Variants in CREBBP observed in about 807,000 individuals in gnomAD.
CREBBP encodes the protein CREB binding lysine acetyltransferase.
CREBBP carries 19 observed loss-of-function variants against 265.0 expected under a neutral mutation model. The ratio of observed to expected loss-of-function variants is 0.07; its 90% CI spans 0.05 to 0.11. The LOEUF is 0.11. Among genes scored for constraint, CREBBP ranks in the 10% least tolerant of loss-of-function variants. The probability of loss-of-function intolerance (pLI) is 1.00; values close to 1 mark genes in which losing one functional copy is unlikely to be tolerated. For missense variants in CREBBP, 2,525 were observed against 3,219.0 expected, an observed-to-expected ratio of 0.78 and a Z score of 5.22; for synonymous variants, 1,457 against 1,223.7, an observed-to-expected ratio of 1.19 and a Z score of -3.98.
intron 2 of CREBBP, chr16:3,840,561 C>A (rs899812801): frequency 1.9e-5 from 3 of 160,632 alleles, no homozygotes; most frequent in South Asian, 1.6e-4. Flanking sequence ...CAACCCTGGT[C>A]CCAGTCTTCA....
intron 1 of CREBBP, among the ~76,000 whole-genome samples, chr16:3,867,585 A>T (rs770080686): frequency 6.6e-6 from 1 of 152,120 alleles, no homozygotes; most frequent in Non-Finnish European, 1.5e-5. Flanking sequence ...ATGCAGCACC[A>T]AAACATTTTA....
At chr16:3,840,807 G>A (rs2054551626) in intron 2 of CREBBP, 1 of 154,752 alleles carries the variant, frequency 6.5e-6, no homozygotes, top group African/African-American at 2.4e-5. Flanking sequence ...TATGCAGAAA[G>A]AAAGGATGGC....
intron 21 of CREBBP, among the ~76,000 whole-genome samples, chr16:3,749,331 C>G (rs1211798312): frequency 6.6e-6 from 1 of 152,172 alleles, no homozygotes; most frequent in Non-Finnish European, 1.5e-5. Flanking sequence ...AAGATTCATG[C>G]TAAATGGCTT....
intron 2 of CREBBP, among the ~76,000 whole-genome samples, chr16:3,842,743 T>A (rs1004206503): frequency 4.6e-5 from 7 of 152,002 alleles, no homozygotes; most frequent in Admixed American, 2.0e-4. Flanking sequence ...GGTGGGCAGA[T>A]CACCTGAGGT....
chr16:3,751,903 C>T (rs1201181375), intron 19 of CREBBP, 97 bp from the exon 20 acceptor site: 7 of 1,155,782 alleles, frequency 6.1e-6, no homozygotes, highest in African/African-American at 1.5e-5. Context: ...CAGAGCACCA[C>T]GACGAAGGGG....
chr16:3,776,644 C>T (rs1273963423), intron 11 of CREBBP, among the ~76,000 whole-genome samples: 1 of 152,142 alleles, frequency 6.6e-6, no homozygotes, highest in Non-Finnish European at 1.5e-5. Context: ...GCACTCCCTC[C>T]CCACATCTAG....
chr16:3,849,451 GT>G lies in CREBBP; in HGVS notation c.798+845del, dbSNP rs528300573. Among the ~76,000 whole-genome samples the G allele has an allele frequency of 2.9e-3, 189 of 64,308 alleles. 5 individuals are homozygous for G. Among genetic ancestry groups the G allele is most frequent in the South Asian group, 5.7e-3 (8 of 1,404 alleles). The allele number at this position is 64,308 out of a possible 152,430, so 42.2% of individuals were successfully genotyped here. ...TGTGTGTGTGTGTGTGTGTGTGTGT[GT>G]GTGTGTGTGTGTGTGTGTGTGTGTG... is the stretch of plus-strand genomic sequence containing the variant. On this transcript the variant is annotated intron_variant, in intron 2 of 30. Coordinates refer to ENST00000262367, the MANE Select transcript of CREBBP (RefSeq NM_004380.3).
At chr16:3,729,956 T>TA in intron 30 of CREBBP, 82 bp from the exon 31 acceptor site, 1 of 1,562,302 alleles carries the variant, frequency 6.4e-7, no homozygotes, top group Middle Eastern at 1.8e-4. Flanking sequence ...CCTCCACCGC[T>TA]AAGTCTGGGT....
intron 1 of CREBBP, among the ~76,000 whole-genome samples, chr16:3,867,117 T>C (rs954792002): frequency 6.6e-6 from 1 of 152,190 alleles, no homozygotes; most frequent in African/African-American, 2.4e-5. Context: ...CAGATATTTC[T>C]ATTTCAACTA....
At chr16:3,804,370 T>G (rs1174502173) in intron 3 of CREBBP, among the ~76,000 whole-genome samples, 3 of 152,158 alleles carry the variant, frequency 2.0e-5, no homozygotes, top group African/African-American at 7.2e-5. Context: ...AAACAAAAAT[T>G]TACACAATTT....
chr16:3,745,721 T>C lies in CREBBP; in HGVS notation c.3837-367A>G, dbSNP rs1236476699. 5 of 369,964 alleles carry C rather than the reference T, an allele frequency of 1.4e-5. No individual in the cohort carries two copies. In the East Asian group the frequency reaches 2.6e-4, roughly 19 times the overall value. 22.9% of individuals were successfully genotyped at this position (369,964 alleles called of 1,614,324 possible). ...AATGCCTTCTCTAGGTGATTTCACA[T>C]GCCAAAACTGACTTAAAAAATAGAG... is the stretch of plus-strand genomic sequence containing the variant. On this transcript the variant is annotated intron_variant, in intron 21 of 30. Coordinates refer to ENST00000262367, the MANE Select transcript of CREBBP (RefSeq NM_004380.3).
chr16:3,803,852 G>A (rs943675204), intron 3 of CREBBP, among the ~76,000 whole-genome samples: 1 of 152,108 alleles, frequency 6.6e-6, no homozygotes, highest in Admixed American at 6.5e-5. Flanking sequence ...AGGCCCAGGT[G>A]GGTGGATCTC....
At chr16:3,800,389 G>T (rs1210849233) in intron 3 of CREBBP, among the ~76,000 whole-genome samples, 1 of 152,130 alleles carries the variant, frequency 6.6e-6, no homozygotes, top group African/African-American at 2.4e-5. Context: ...AAAGTGCTGG[G>T]ATTATAGCTA....
In CREBBP at chr16:3,729,306, A is replaced by G; in HGVS notation, c.5741T>C (p.Val1914Ala). ...GGGGAAGCCAGCTGGTGACATGCTC[A>G]CGGGTGAGGGTTGGGGCTGGGCAGG... is the stretch of plus-strand genomic sequence containing the variant. ...QPPAQPQPSP[V>A]SMSPAGFPSV... is the part of the protein sequence containing the mutation. Residue 1914 changes from valine to alanine, a missense_variant, in exon 31 of 31, where the codon GTG (valine) becomes GCG (alanine). Val to Ala is a moderately conservative substitution (Grantham distance 64). Around this residue, in one of 19 missense-constraint regions of CREBBP, gnomAD observed 275 missense variants for 276.5 expected, o/e 0.99. Transcript: ENST00000262367. 6.5e-7 allele frequency: 1 copy of G among 1,548,834 alleles called. No individual in the cohort carries two copies. The highest frequency in any genetic ancestry group is 1.4e-5 in the African/African-American group (1 of 73,218).
At chr16:3,867,650 G>A (rs1024241197) in intron 1 of CREBBP, among the ~76,000 whole-genome samples, 11 of 151,692 alleles carry the variant, frequency 7.3e-5, no homozygotes, top group Non-Finnish European at 1.3e-4. Flanking sequence ...GAGCATAGTG[G>A]CTCACATCTG....
chr16:3,741,744 A>C (rs2052215212), intron 23 of CREBBP: 2 of 152,062 alleles, frequency 1.3e-5, no homozygotes, highest in African/African-American at 4.8e-5. Flanking sequence ...GTTCGAGACC[A>C]GCCTGGCCAA....
At chr16:3,742,106 A>AAC (rs1034857586) in intron 23 of CREBBP, 1 of 149,880 alleles carries the variant, frequency 6.7e-6, no homozygotes, top group Non-Finnish European at 1.5e-5. Context: ...ACAAAAAAAA[A>AAC]ACAAAAAAAC....
intron 21 of CREBBP, 58 bp from the exon 22 acceptor site, chr16:3,745,412 T>C (rs2052319354): frequency 6.6e-7 from 1 of 1,522,784 alleles, no homozygotes; most frequent in African/African-American, 1.4e-5. Context: ...CCAGAGTCAC[T>C]TGTAGAAGTC....
At position 3,782,722 on chromosome 16, in the gene CREBBP, G is replaced by C; in HGVS notation, c.1535C>G (p.Pro512Arg). ...AGTCCTCATCTGCTGGTGGGTTTGA[G>C]GCTGTGCTGGTTGCTGGCCAGGAAC... is the stretch of plus-strand genomic sequence containing the variant. ...PQVPGQQPAQ[P>R]QTHQQMRTLN... The change falls in exon 6 of 31, where the codon CCT becomes CGT. Residue 512 changes from proline to arginine, a missense_variant. Transcript: ENST00000262367. 1.2e-6 allele frequency: 2 copies of C among 1,614,200 alleles called. No individual in the cohort carries two copies. The highest frequency in any genetic ancestry group is 1.7e-6 in the Non-Finnish European group (2 of 1,180,034).
Sources: gnomAD v4.1 joint callset for allele counts (sites outside exome capture counted in the v4.1 genomes callset) on GRCh38, gnomAD v4.1.1 for gene constraint, gnomAD v4.1.1 regional missense constraint, MANE v1.5 for transcripts, NCBI Gene and HGNC (gene_info 2026-07-23, HGNC 2026-07-21) for gene names.